Variants in ANO4 observed in about 807,000 individuals in gnomAD.
ANO4 encodes anoctamin-4.
A neutral mutation model predicts 141.9 loss-of-function variants in ANO4; 69 were observed. The ratio of observed to expected loss-of-function variants is 0.49; its 90% CI spans 0.40 to 0.59. The LOEUF (loss-of-function observed/expected upper bound fraction) is 0.59. Ranked by LOEUF, ANO4 falls within the 20% of genes least tolerant of loss-of-function variation. The pLI is 0.00. For missense variants in ANO4, 894 were observed against 1,162.2 expected (o/e 0.77, Z 3.36); for synonymous variants, 350 against 394.3 (o/e 0.89, Z 1.33).
At chr12:100,873,540 G>T (rs1222227691) in intron 1 of ANO4, among the ~76,000 whole-genome samples, 1 of 152,190 alleles carries the variant, frequency 6.6e-6, no homozygotes, top group Non-Finnish European at 1.5e-5. Context: ...TTGAATTTAA[G>T]AGTGGTGATT....
intron 1 of ANO4, among the ~76,000 whole-genome samples, chr12:100,722,013 T>A (rs1028001597): frequency 1.3e-5 from 2 of 152,102 alleles, no homozygotes; most frequent in African/African-American, 4.8e-5. Context: ...ATTCACCTTC[T>A]GTGTCTCAGT....
intron 9 of ANO4, among the ~76,000 whole-genome samples, chr12:101,033,977 G>A (rs2047091485): frequency 6.6e-6 from 1 of 152,170 alleles, no homozygotes; most frequent in Non-Finnish European, 1.5e-5. Flanking sequence ...TTATTTAAAA[G>A]TCAAGAAACA....
At chr12:100,750,298 ATTT>A (rs1174885460) in intron 3 of ANO4, among the ~76,000 whole-genome samples, 2 of 135,362 alleles carry the variant, frequency 1.5e-5, no homozygotes, top group Admixed American at 7.4e-5. Flanking sequence ...CACCTGGCTA[ATTT>A]TTTTTTTTTT....
intron 9 of ANO4, among the ~76,000 whole-genome samples, chr12:101,032,531 A>T (rs1484153304): frequency 6.6e-6 from 1 of 152,234 alleles, no homozygotes; most frequent in African/African-American, 2.4e-5. Flanking sequence ...TGAACAGGCA[A>T]CCCACAAAGT....
chr12:100,938,614 T>C (rs2042383292), intron 3 of ANO4, among the ~76,000 whole-genome samples: 1 of 152,224 alleles, frequency 6.6e-6, no homozygotes, highest in Non-Finnish European at 1.5e-5. Context: ...TCTGGCGTGC[T>C]GTAAGGCACT....
intron 3 of ANO4, among the ~76,000 whole-genome samples, chr12:100,786,882 T>C (rs2033889580): frequency 6.6e-6 from 1 of 152,196 alleles, no homozygotes; most frequent in South Asian, 2.1e-4. Flanking sequence ...AATTTTTTCT[T>C]TTTAGCCAAT....
At chr12:101,113,792 T>C (rs1226065226) in intron 24 of ANO4, among the ~76,000 whole-genome samples, 3 of 152,218 alleles carry the variant, frequency 2.0e-5, no homozygotes, top group African/African-American at 4.8e-5. Flanking sequence ...TTGAAAATTA[T>C]AAGTGGTGAG....
chr12:100,986,436 A>G (rs2653453), intron 7 of ANO4, among the ~76,000 whole-genome samples: 133,756 of 152,076 alleles, frequency 0.88, 59,025 homozygotes, highest in African/African-American at 0.95. Flanking sequence ...GTTGGTGAGG[A>G]CCAACTTCTT....
intron 1 of ANO4, among the ~76,000 whole-genome samples, chr12:100,882,825 G>T (rs1437952845): frequency 6.6e-6 from 1 of 151,986 alleles, no homozygotes; most frequent in Non-Finnish European, 1.5e-5. Flanking sequence ...TCAGCCTCCT[G>T]AGTAGCTAGG....
chr12:101,006,401 A>G (rs2045873568), intron 8 of ANO4, among the ~76,000 whole-genome samples: 1 of 152,154 alleles, frequency 6.6e-6, no homozygotes, highest in Non-Finnish European at 1.5e-5. Flanking sequence ...AAATTTGACT[A>G]TTGCTTCTTT....
intron 14 of ANO4, among the ~76,000 whole-genome samples, chr12:101,060,970 A>G (rs754432773): frequency 1.3e-5 from 2 of 152,204 alleles, no homozygotes; most frequent in Non-Finnish European, 2.9e-5. Flanking sequence ...GTTTCTTCAT[A>G]GCGTCAATAG....
chr12:101,031,674 T>C (rs1052502453), intron 9 of ANO4, among the ~76,000 whole-genome samples: 9 of 152,184 alleles, frequency 5.9e-5, no homozygotes, highest in Admixed American at 3.9e-4. Context: ...ATTGTATATA[T>C]AGAAAACTCC....
chr12:100,892,353 T>C (rs2040145936), intron 1 of ANO4, among the ~76,000 whole-genome samples: 1 of 152,186 alleles, frequency 6.6e-6, no homozygotes, highest in South Asian at 2.1e-4. Context: ...GATGGGCTAG[T>C]AGGGTTGAGG....
intron 7 of ANO4, among the ~76,000 whole-genome samples, chr12:100,980,939 T>C (rs983006878): frequency 3.3e-5 from 5 of 152,152 alleles, no homozygotes; most frequent in Admixed American, 2.6e-4. Flanking sequence ...CTGTGGAAGA[T>C]ATGATTACAA....
Position 101,080,028 on chromosome 12 carries a change from C to T in ANO4, c.1395+753C>T, listed in dbSNP as rs761658159. ...GCCTCAGCCCCACTCTCCTCCCTCT[C>T]GTTCATTATCTCTTACCCCTCCTGA... On this transcript the variant is annotated intron_variant, in intron 15 of 27. Transcript: ENST00000392977. Among the ~76,000 whole-genome samples the T allele has an allele frequency of 3.9e-5, 6 of 152,230 alleles. 1 individual carries two copies. In the South Asian group the frequency reaches 8.3e-4, roughly 21 times the overall value.
At chr12:101,068,955 C>A in intron 14 of ANO4, 2 of 783,530 alleles carry the variant, frequency 2.6e-6, no homozygotes, top group Non-Finnish European at 4.7e-6. Context: ...TACACAGATG[C>A]ACCAAAGCCC....
chr12:100,995,205 G>A (rs2045316318), intron 8 of ANO4, among the ~76,000 whole-genome samples: 1 of 152,132 alleles, frequency 6.6e-6, no homozygotes, highest in African/African-American at 2.4e-5. Flanking sequence ...GTTCTTCAAG[G>A]CAGGCCTCCT....
chr12:100,984,654 G>T (rs1365062969), intron 7 of ANO4, among the ~76,000 whole-genome samples: 1 of 152,152 alleles, frequency 6.6e-6, no homozygotes, highest in African/African-American at 2.4e-5. Context: ...GCTCTGAAGG[G>T]TAAATAACTT....
chr12:100,750,919 T>G (rs2032344552), intron 3 of ANO4, among the ~76,000 whole-genome samples: 1 of 152,024 alleles, frequency 6.6e-6, no homozygotes, highest in African/African-American at 2.4e-5. Flanking sequence ...GGGAGAGCAG[T>G]TGGGATCCGT....
Sources: gnomAD v4.1 joint callset for allele counts (sites outside exome capture counted in the v4.1 genomes callset) on GRCh38, gnomAD v4.1.1 for gene constraint, MANE v1.5 for transcripts, NCBI Gene and HGNC (gene_info 2026-07-23, HGNC 2026-07-21) for gene names.